KDR: variants seen among roughly 807,000 people sequenced by gnomAD.
KDR encodes the protein vascular endothelial growth factor receptor 2.
A neutral mutation model predicts 160.9 loss-of-function variants in KDR; 43 were observed. That is an observed-to-expected ratio of 0.27 (90% confidence interval 0.21 to 0.34). The LOEUF (loss-of-function observed/expected upper bound fraction) is 0.34, where lower values mean the gene tolerates loss of function less well. KDR is among the 10% of genes least tolerant of loss of function. The probability of loss-of-function intolerance (pLI) is 1.00; values close to 1 mark genes in which losing one functional copy is unlikely to be tolerated. For missense variants in KDR, 1,469 were observed against 1,666.4 expected (o/e 0.88, Z 2.06); for synonymous variants, 617 against 600.1 (o/e 1.03, Z -0.41).
rs1720547463 is a variant in KDR, at chr4:55,110,420, A to G, written c.1238T>C (p.Val413Ala). ...PISKEKQSHV[V>A]SLVVYVPPQI... is the part of the protein sequence containing the mutation. ...GGACTCACCATACACAACCAGAGAG[A>G]CCACATGGCTCTGCTTCTCCTTTGA... Residue 413 changes from valine to alanine, a missense_variant, in exon 9 of 30, where the codon GTC (valine) becomes GCC (alanine). Physicochemically the swap from Val to Ala is moderately conservative, Grantham distance 64. Around this residue, in one of 7 missense-constraint regions of KDR, gnomAD observed 792 missense variants for 840.9 expected, o/e 0.94. Transcript: ENST00000263923. The G allele has an allele frequency of 1.2e-6, 2 of 1,613,922 alleles. No homozygotes were observed. Among genetic ancestry groups the G allele is most frequent in the East Asian group, 4.5e-5 (2 of 44,876 alleles).
At chr4:55,102,122 T>C in intron 14 of KDR, 94 bp from the exon 15 acceptor site, 1 of 1,537,252 alleles carries the variant, frequency 6.5e-7, no homozygotes, top group South Asian at 1.1e-5. Context: ...CTGCCCTTCA[T>C]CTTGTTCTAT....
intron 15 of KDR, among the ~76,000 whole-genome samples, chr4:55,099,957 C>A (rs538478247): frequency 6.6e-6 from 1 of 152,288 alleles, no homozygotes; most frequent in Non-Finnish European, 1.5e-5. Flanking sequence ...GAAGAGGAAA[C>A]TAGAAGTCAG....
At chr4:55,118,568 A>G (rs756492035) in intron 3 of KDR, 36 bp downstream of exon 3, 1 of 1,518,580 alleles carries the variant, frequency 6.6e-7, no homozygotes, top group Non-Finnish European at 9.1e-7. Context: ...TAACTGGTAA[A>G]GAGACGTGGG....
At position 55,125,569 on chromosome 4, in the gene KDR, C is replaced by G. The variant is rs1336319752; in HGVS notation, c.-276G>C. ...GGAAACGCAGCGACCACACATTGAC[C>G]GCTCTCCCGGGGTCCCGGGACTCAG... On this transcript the variant is annotated 5_prime_UTR_variant, in exon 1 of 30. Coordinates refer to ENST00000263923, the MANE Select transcript of KDR (RefSeq NM_002253.4). The G allele has an allele frequency of 6.9e-6, 4 of 581,410 alleles. No homozygotes were observed. Among genetic ancestry groups the G allele is most frequent in the Admixed American group, 3.0e-5 (1 of 33,378 alleles). 36.0% of individuals were successfully genotyped at this position (581,410 alleles called of 1,614,324 possible). A position where few individuals can be genotyped will look rare whatever the true frequency, so the allele number is the denominator to read the frequency against.
In KDR at chr4:55,113,285, T is replaced by C; in HGVS notation, c.976+19A>G. On this transcript the variant is annotated intron_variant, in intron 7 of 29. Transcript: ENST00000263923. ...CTCACTTGTCAAGGCACAGAATAAT[T>C]TCCAAGACCATAGCTTACCATGGAC... 6.2e-7 allele frequency: 1 copy of C among 1,612,732 alleles called. No individual in the cohort carries two copies. The highest frequency in any genetic ancestry group is 1.1e-5 in the South Asian group (1 of 91,064).
chr4:55,125,424 G>A lies in KDR; in HGVS notation c.-131C>T. 4 of 1,196,164 alleles carry A rather than the reference G, an allele frequency of 3.3e-6. No homozygotes were observed. The highest frequency in any genetic ancestry group is 2.6e-5 in the East Asian group (1 of 38,926). The allele number at this position is 1,196,164 out of a possible 1,614,324, so 74.1% of individuals were successfully genotyped here. Reference sequence around the variant, plus strand: ...AGCGCAGGACAGTTGAGCGCACAGGGCTAGGGAGCCCGGGCGCCGACCGCG... The same window carrying A: ...AGCGCAGGACAGTTGAGCGCACAGGACTAGGGAGCCCGGGCGCCGACCGCG... On this transcript the variant is annotated 5_prime_UTR_variant, in exon 1 of 30. Coordinates refer to ENST00000263923, the MANE Select transcript of KDR (RefSeq NM_002253.4).
At chr4:55,092,956 G>C (rs1324954306) in intron 21 of KDR, among the ~76,000 whole-genome samples, 1 of 152,162 alleles carries the variant, frequency 6.6e-6, no homozygotes, top group Non-Finnish European at 1.5e-5. Flanking sequence ...AGTAAATCCA[G>C]GAGGTAGAAT....
At chr4:55,089,623 G>C in intron 24 of KDR, 68 bp downstream of exon 24, 1 of 1,437,316 alleles carries the variant, frequency 7.0e-7, no homozygotes, top group Non-Finnish European at 9.8e-7. Context: ...TGAAGTACAG[G>C]AGAGGAAAAG....
At position 55,118,845 on chromosome 4, in the gene KDR, T is replaced by A. The variant is rs778870603; in HGVS notation, c.162-45A>T. 3 of 1,493,310 alleles carry A rather than the reference T, an allele frequency of 2.0e-6. No homozygotes were observed. In the East Asian group the frequency reaches 6.8e-5, roughly 34 times the overall value. The allele number at this position is 1,493,310 out of a possible 1,614,324, so 92.5% of individuals were successfully genotyped here. On this transcript the variant is annotated intron_variant, in intron 2 of 29. Coordinates refer to ENST00000263923, the MANE Select transcript of KDR (RefSeq NM_002253.4). The stretch of plus-strand genomic sequence containing the variant: ...GAGGTATTAATATGAAGTGCCAGAC[T>A]GTGAGGCTATTTCTAAGAAAAGAGA...
intron 13 of KDR, among the ~76,000 whole-genome samples, chr4:55,104,267 T>C (rs1340984839): frequency 1.3e-5 from 2 of 152,172 alleles, no homozygotes; most frequent in South Asian, 4.2e-4. Flanking sequence ...TGGTTGCCTA[T>C]GTTCTCCTCC....
intron 1 of KDR, among the ~76,000 whole-genome samples, chr4:55,123,893 T>G (rs1260602748): frequency 6.6e-6 from 1 of 152,202 alleles, no homozygotes; most frequent in African/African-American, 2.4e-5. Flanking sequence ...AAGGGCAAGT[T>G]CACCATTATA....
Position 55,098,813 on chromosome 4 carries a change from C to T in KDR, c.2267-10G>A, listed in dbSNP as rs774857682. On this transcript the variant is annotated splice_polypyrimidine_tract_variant and intron_variant, in intron 15 of 29. Coordinates refer to ENST00000263923, the MANE Select transcript of KDR (RefSeq NM_002253.4). ...GTCTTTTCCTGGGCACCTGGAAAGA[C>T]ACAATTGAATGAGTATCAACAGTTG... The T allele has an allele frequency of 4.4e-6, 7 of 1,583,544 alleles. No individual in the cohort carries two copies. Among genetic ancestry groups the T allele is most frequent in the South Asian group, 1.1e-5 (1 of 90,452 alleles).
intron 27 of KDR, among the ~76,000 whole-genome samples, chr4:55,086,730 G>C (rs1719875758): frequency 6.6e-6 from 1 of 152,140 alleles, no homozygotes; most frequent in Non-Finnish European, 1.5e-5. Context: ...CTGTCCACGA[G>C]TTTCTCCTTA....
chr4:55,089,076 G>T (rs1407226024), intron 25 of KDR, 103 bp from the exon 26 acceptor site: 3 of 825,784 alleles, frequency 3.6e-6, no homozygotes, highest in Non-Finnish European at 4.1e-6. Flanking sequence ...GACGAGGTGA[G>T]ATGCTAAATA....
intron 18 of KDR, among the ~76,000 whole-genome samples, chr4:55,097,162 T>TA (rs1720178840): frequency 6.6e-6 from 1 of 152,158 alleles, no homozygotes; most frequent in African/African-American, 2.4e-5. Flanking sequence ...GCTTTTAATT[T>TA]AAAAAATATA....
chr4:55,095,700 T>A, intron 19 of KDR, 35 bp from the exon 20 acceptor site: 1 of 1,433,564 alleles, frequency 7.0e-7, no homozygotes, highest in Admixed American at 1.7e-5. Context: ...AAAATGGGTT[T>A]TCACTCATAT....
At chr4:55,108,990 T>G (rs1468950184) in intron 9 of KDR, among the ~76,000 whole-genome samples, 1 of 152,168 alleles carries the variant, frequency 6.6e-6, no homozygotes, top group Admixed American at 6.6e-5. Context: ...TATTTCCTGT[T>G]CATTTCCTCC....
chr4:55,115,899 G>T (rs964656216), intron 3 of KDR, among the ~76,000 whole-genome samples: 2 of 152,076 alleles, frequency 1.3e-5, no homozygotes, highest in Non-Finnish European at 2.9e-5. Flanking sequence ...TAAATGAATG[G>T]ATCCCAAAGG....
intron 27 of KDR, 35 bp downstream of exon 27, chr4:55,087,572 C>T (rs762411907): frequency 6.2e-7 from 1 of 1,608,204 alleles, no homozygotes; most frequent in Non-Finnish European, 8.5e-7. Context: ...CTTGAAGTCA[C>T]CCTCCCCCGG....
Sources: allele counts gnomAD v4.1 joint callset (sites outside exome capture counted in the v4.1 genomes callset), GRCh38; gene constraint gnomAD v4.1.1; regional missense constraint gnomAD v4.1.1; transcripts MANE v1.5; gene names NCBI Gene and HGNC (gene_info 2026-07-23, HGNC 2026-07-21).